Variants in ABCA3 observed in about 807,000 individuals in gnomAD.
ABCA3 encodes the protein phospholipid-transporting ATPase ABCA3.
In ABCA3, 88 loss-of-function variants were observed where a neutral mutation model predicts 172.8. That is an observed-to-expected ratio of 0.51 (90% CI 0.43 to 0.61). The LOEUF (loss-of-function observed/expected upper bound fraction) is 0.61. Among genes scored for constraint, ABCA3 ranks in the 20% least tolerant of loss-of-function variants. The pLI, the probability that ABCA3 is intolerant of heterozygous loss-of-function variation, is 0.00. For missense variants in ABCA3, 2,164 were observed against 2,301.0 expected, an observed-to-expected ratio of 0.94 and a Z score of 1.22; for synonymous variants, 1,066 against 983.8, an observed-to-expected ratio of 1.08 and a Z score of -1.56.
chr16:2,284,969 G>A lies in ABCA3; in HGVS notation c.3513C>T (p.Ala1171=), dbSNP rs1255668842. 3 of 1,613,568 alleles carry A rather than the reference G, an allele frequency of 1.9e-6. No homozygotes were observed. In the South Asian group the frequency reaches 3.3e-5, roughly 18 times the overall value. The change falls in exon 24 of 33, where the codon GCC becomes GCT. Residue 1171 remains alanine, a synonymous_variant. Coordinates refer to ENST00000301732, the MANE Select transcript of ABCA3 (RefSeq NM_001089.3). The surrounding 1 kb of genome is among the most constrained non-coding windows in gnomAD (Gnocchi z 5.9). ...LVVFKAFDVR[A]FTRDGHMADT... is the part of the protein sequence containing the mutation. ...CAGCCATGTGGCCGTCCCGCGTGAA[G>A]GCACGCACGTCGAAGGCCTTAAACA...
At chr16:2,296,291 C>T (rs563166863) in intron 17 of ABCA3, among the ~76,000 whole-genome samples, 2 of 151,810 alleles carry the variant, frequency 1.3e-5, no homozygotes, top group African/African-American at 4.8e-5. Flanking sequence ...AGTGCAGCTG[C>T]ACAATCTTGG....
At chr16:2,303,387 G>T (rs556658157) in intron 12 of ABCA3, among the ~76,000 whole-genome samples, 1 of 150,168 alleles carries the variant, frequency 6.7e-6, no homozygotes, top group African/African-American at 2.5e-5. Flanking sequence ...TCAGCCTCCC[G>T]AGTAGCTGGG....
chr16:2,336,586 A>T (rs1008334418), intron 1 of ABCA3, among the ~76,000 whole-genome samples: 1 of 143,796 alleles, frequency 7.0e-6, no homozygotes. Context: ...GCCCGCCACC[A>T]CGCCCAGCTA....
Position 2,289,625 on chromosome 16 carries a change from G to A in ABCA3, c.2514-5C>T, listed in dbSNP as rs1433676038. On this transcript the variant is annotated splice_region_variant and splice_polypyrimidine_tract_variant and intron_variant, in intron 19 of 32. Coordinates refer to ENST00000301732, the MANE Select transcript of ABCA3 (RefSeq NM_001089.3). Reference sequence around the variant, plus strand: ...CTGTCCACCAGCTTCCCGACCCTGTGCCGATACACACAGGGACCGGTCAGG... The same window carrying A: ...CTGTCCACCAGCTTCCCGACCCTGTACCGATACACACAGGGACCGGTCAGG... The A allele has an allele frequency of 6.5e-7, 1 of 1,548,594 alleles. No homozygotes were observed. The highest frequency in any genetic ancestry group is 2.0e-5 in the Admixed American group (1 of 51,044).
intron 1 of ABCA3, among the ~76,000 whole-genome samples, chr16:2,340,165 G>T (rs1013157148): frequency 1.3e-5 from 2 of 152,240 alleles, no homozygotes; most frequent in Non-Finnish European, 2.9e-5. Flanking sequence ...CAAGTGCGCG[G>T]CGGACGCCTG....
chr16:2,334,262 C>T (rs2093748156), intron 1 of ABCA3, among the ~76,000 whole-genome samples: 1 of 151,986 alleles, frequency 6.6e-6, no homozygotes, highest in African/African-American at 2.4e-5. Context: ...AGCAGCGAGT[C>T]ATTCCGAGTG....
Position 2,301,975 on chromosome 16 carries a change from C to T in ABCA3, c.1468-1827G>A, listed in dbSNP as rs775336918. On this transcript the variant is annotated intron_variant, in intron 12 of 32. Coordinates refer to ENST00000301732, the MANE Select transcript of ABCA3 (RefSeq NM_001089.3). The stretch of plus-strand genomic sequence containing the variant: ...CAAGGAACACCTGGCCCGCCCAGGG[C>T]GGAAAACCGCTTAAAGGCATTCTTA... Among the ~76,000 whole-genome samples, 4 of 152,352 alleles carry T rather than the reference C, an allele frequency of 2.6e-5. No individual in the cohort carries two copies. In the South Asian group the frequency reaches 6.2e-4, roughly 24 times the overall value.
Position 2,284,372 on chromosome 16 carries a change from G to C in ABCA3, c.3769C>G (p.Leu1257Val). 1.2e-6 allele frequency: 2 copies of C among 1,613,980 alleles called. No individual in the cohort carries two copies. Among genetic ancestry groups the C allele is most frequent in the Non-Finnish European group, 1.7e-6 (2 of 1,179,986 alleles). The change falls in exon 25 of 33, where the codon CTG (leucine) becomes GTG (valine). Residue 1257 changes from leucine to valine, a missense_variant. Leu to Val is a conservative substitution (Grantham distance 32). Around this residue, in one of 3 missense-constraint regions of ABCA3, gnomAD observed 795 missense variants for 881.9 expected, o/e 0.90. Coordinates refer to ENST00000301732, the MANE Select transcript of ABCA3 (RefSeq NM_001089.3). This position sits in a 1 kb window ranked among gnomAD's most constrained non-coding sequence, Gnocchi z 5.9. ...HVFLVLPNHC[L>V]GMAVSSFYEN... ...TAGAAACTGCTGACTGCCATCCCCAGACAGTGGTTGGGCAGCACCAGGAAC... is the reference window on the plus strand; with the variant it reads ...TAGAAACTGCTGACTGCCATCCCCACACAGTGGTTGGGCAGCACCAGGAAC...
intron 3 of ABCA3, 146 bp from the exon 4 acceptor site, chr16:2,326,638 G>C (rs754145846): frequency 1.1e-6 from 1 of 890,684 alleles, no homozygotes; most frequent in Non-Finnish European, 1.8e-6. Flanking sequence ...TGGAGGGAAG[G>C]GTACAAGGCC....
chr16:2,289,961 TCACACACACACACA>T (rs3138606), intron 19 of ABCA3, among the ~76,000 whole-genome samples: 257 of 138,314 alleles, frequency 1.9e-3, no homozygotes, highest in Admixed American at 2.7e-3. Context: ...GTGAATTACA[TCACACACACACACA>T]CACACACACA....
chr16:2,286,617 T>C lies in ABCA3; in HGVS notation c.3278+77A>G. The C allele has an allele frequency of 6.3e-7, 1 of 1,578,062 alleles. No homozygotes were observed. On this transcript the variant is annotated intron_variant, in intron 22 of 32. Transcript: ENST00000301732. This position sits in a 1 kb window ranked among gnomAD's most constrained non-coding sequence, Gnocchi z 5.2. ...GAGGGCAGACACAATGCTCTATCTA[T>C]GGGCCCGTGGCAGTGCCCAGGGCAG... is the stretch of plus-strand genomic sequence containing the variant.
chr16:2,293,704 A>C (rs931096218), intron 18 of ABCA3, among the ~76,000 whole-genome samples: 1 of 150,360 alleles, frequency 6.7e-6, no homozygotes, highest in Non-Finnish European at 1.5e-5. Context: ...CGCCCGGCTA[A>C]TTTTGTTTTT....
chr16:2,277,406 G>A lies in ABCA3; in HGVS notation c.4983+191C>T, dbSNP rs904458595. ...CCTGACCCCTTTCCTGTTTTACACT[G>A]AATTCCTTTTACCACTGATAATTTT... On this transcript the variant is annotated intron_variant, in intron 32 of 32. Coordinates refer to ENST00000301732, the MANE Select transcript of ABCA3 (RefSeq NM_001089.3). This position sits in a 1 kb window ranked among gnomAD's most constrained non-coding sequence, Gnocchi z 5.3. Among the ~76,000 whole-genome samples the A allele has an allele frequency of 6.6e-6, 1 of 152,136 alleles. No homozygotes were observed. The highest frequency in any genetic ancestry group is 1.5e-5 in the Non-Finnish European group (1 of 68,034).
intron 1 of ABCA3, among the ~76,000 whole-genome samples, chr16:2,340,167 G>A (rs564531658): frequency 1.3e-5 from 2 of 152,318 alleles, no homozygotes; most frequent in African/African-American, 4.8e-5. Context: ...AGTGCGCGGC[G>A]GACGCCTGCA....
At chr16:2,318,639 A>G (rs952773664) in intron 8 of ABCA3, among the ~76,000 whole-genome samples, 3 of 151,790 alleles carry the variant, frequency 2.0e-5, no homozygotes, top group Non-Finnish European at 2.9e-5. Context: ...CAGCCTCCCA[A>G]GCAGCTGGGA....
chr16:2,333,085 T>C (rs568726008), intron 1 of ABCA3, among the ~76,000 whole-genome samples: 1 of 152,300 alleles, frequency 6.6e-6, no homozygotes, highest in South Asian at 2.1e-4. Flanking sequence ...ACTGGGACTA[T>C]AGGTATGAGC....
intron 32 of ABCA3, 150 bp from the exon 33 acceptor site, chr16:2,276,955 T>C: frequency 8.2e-7 from 1 of 1,218,594 alleles, no homozygotes; most frequent in Non-Finnish European, 1.2e-6. Flanking sequence ...AGGTCAGCCC[T>C]GCGACGGCAC....
At chr16:2,296,308 G>GT (rs1315379265) in intron 17 of ABCA3, among the ~76,000 whole-genome samples, 1 of 151,348 alleles carries the variant, frequency 6.6e-6, no homozygotes, top group Non-Finnish European at 1.5e-5. Context: ...TTGGCTCACT[G>GT]TAACTTCTCC....
Position 2,288,211 on chromosome 16 carries a change from G to C in ABCA3, c.2819C>G (p.Ala940Gly). 3.1e-6 allele frequency: 5 copies of C among 1,599,974 alleles called. No individual in the cohort carries two copies. Among genetic ancestry groups the C allele is most frequent in the Non-Finnish European group, 4.3e-6 (5 of 1,173,304 alleles). ...CGAGGAGTAGTTGATGGCCAGGAGG[G>C]CCAGGGTGACGCAGGTCAGAGGCAC... ...VLVPLTCVTL[A>G]LLAINYSSEL... Residue 940 changes from alanine to glycine, a missense_variant, in exon 21 of 33, where the codon GCC (alanine) becomes GGC (glycine). Transcript: ENST00000301732.
Sources: allele counts gnomAD v4.1 joint callset (sites outside exome capture counted in the v4.1 genomes callset), GRCh38; gene constraint gnomAD v4.1.1; regional missense constraint gnomAD v4.1.1; non-coding constraint Gnocchi (gnomAD v3.1); transcripts MANE v1.5; gene names NCBI Gene and HGNC (gene_info 2026-07-23, HGNC 2026-07-21).